Variants in GPC5 observed in about 807,000 individuals in gnomAD.
GPC5 encodes the protein glypican 5, also known as glypican-5.
In GPC5, 47 loss-of-function variants were observed where a neutral mutation model predicts 53.9. The observed-to-expected ratio is 0.87, with a 90% CI of 0.69 to 1.11. The LOEUF (loss-of-function observed/expected upper bound fraction) is 1.11, where lower values mean the gene tolerates loss of function less well. GPC5 is among the 50% of genes most tolerant of loss of function. GPC5 has a pLI of 0.00. For missense variants in GPC5, 748 were observed against 713.1 expected (o/e 1.05, Z -0.56); for synonymous variants, 286 against 263.3 (o/e 1.09, Z -0.84).
intron 2 of GPC5, among the ~76,000 whole-genome samples, chr13:91,527,110 T>C (rs999589784): frequency 5.9e-5 from 9 of 152,202 alleles, no homozygotes; most frequent in Non-Finnish European, 1.2e-4. Context: ...AAACCAATCA[T>C]GCCTTTCCAA....
intron 7 of GPC5, among the ~76,000 whole-genome samples, chr13:92,546,956 G>A (rs930583632): frequency 6.6e-6 from 1 of 152,092 alleles, no homozygotes; most frequent in African/African-American, 2.4e-5. Context: ...GGGAAAACTG[G>A]CTAGCCATAT....
chr13:92,847,983 A>G lies in GPC5; in HGVS notation c.1562-18299A>G, dbSNP rs143976141. On this transcript the variant is annotated intron_variant, in intron 7 of 7. Coordinates refer to ENST00000377067, the MANE Select transcript of GPC5 (RefSeq NM_004466.6). ...TGCACAATGTCTGACTAGCTTTTTT[A>G]GTGGTGAAGGTAGTTTGGGCAGTGA... is the stretch of plus-strand genomic sequence containing the variant. Among the ~76,000 whole-genome samples the G allele has an allele frequency of 3.3e-5, 5 of 152,172 alleles. No homozygotes were observed. The East Asian group carries it at 7.7e-4, about 24-fold the overall frequency.
intron 7 of GPC5, among the ~76,000 whole-genome samples, chr13:92,546,962 C>T (rs914603071): frequency 2.0e-5 from 3 of 152,170 alleles, no homozygotes; most frequent in Non-Finnish European, 2.9e-5. Context: ...ACTGGCTAGC[C>T]ATATGTAGAA....
intron 2 of GPC5, among the ~76,000 whole-genome samples, chr13:91,536,154 T>A (rs1886582279): frequency 6.6e-6 from 1 of 152,208 alleles, no homozygotes; most frequent in South Asian, 2.1e-4. Context: ...GGTATCAGTC[T>A]AATGTTGGAG....
At chr13:92,180,788 T>C in intron 7 of GPC5, 1 of 226,738 alleles carries the variant, frequency 4.4e-6, no homozygotes, top group Non-Finnish European at 8.9e-6. Context: ...TTTCCCATCT[T>C]TCAATTTTCT....
intron 2 of GPC5, among the ~76,000 whole-genome samples, chr13:91,578,728 T>G (rs1270198791): frequency 6.6e-6 from 1 of 152,038 alleles, no homozygotes; most frequent in Non-Finnish European, 1.5e-5. Flanking sequence ...TTAAAATATT[T>G]TCAAAGTAGT....
intron 7 of GPC5, among the ~76,000 whole-genome samples, chr13:92,370,173 G>A (rs1355174139): frequency 6.6e-6 from 1 of 152,180 alleles, no homozygotes; most frequent in East Asian, 1.9e-4. Context: ...CAAGGTCAAT[G>A]TTTCATGGAC....
chr13:92,827,329 A>T (rs1877885997), intron 7 of GPC5, among the ~76,000 whole-genome samples: 1 of 152,148 alleles, frequency 6.6e-6, no homozygotes, highest in Admixed American at 6.6e-5. Context: ...ATCATTTAAC[A>T]TATAAGTGGC....
intron 7 of GPC5, among the ~76,000 whole-genome samples, chr13:92,296,732 G>A (rs1271276925): frequency 5.9e-5 from 9 of 152,188 alleles, no homozygotes; most frequent in East Asian, 3.9e-4. Context: ...CCGTGTGGGC[G>A]TGGGCTTGGT....
At chr13:92,283,197 C>A (rs2042929332) in intron 7 of GPC5, among the ~76,000 whole-genome samples, 1 of 152,136 alleles carries the variant, frequency 6.6e-6, no homozygotes, top group Non-Finnish European at 1.5e-5. Context: ...GCTAAATATC[C>A]TAAATATATA....
At chr13:92,617,795 CATACT>C (rs1484314474) in intron 7 of GPC5, among the ~76,000 whole-genome samples, 1 of 152,094 alleles carries the variant, frequency 6.6e-6, no homozygotes, top group Non-Finnish European at 1.5e-5. Context: ...AATTTATACT[CATACT>C]ATAGGTGTTA....
rs1566446337 is a variant in GPC5 at position 92,125,923 on chromosome 13, G to GTTTT, written c.1402-18907_1402-18906insTTTT. Among the ~76,000 whole-genome samples the GTTTT allele has an allele frequency of 2.4e-4, 10 of 41,536 alleles. 4 individuals are homozygous for GTTTT. Among genetic ancestry groups the GTTTT allele is most frequent in the Non-Finnish European group, 1.5e-4 (3 of 20,260 alleles). 27.2% of individuals were successfully genotyped at this position (41,536 alleles called of 152,430 possible). ...ATTAGAAAGGAAACATTTGTTTTTTGGTTTTTTTTTTTTTTTTTTTTTTTT... is the reference window on the plus strand; with the variant it reads ...ATTAGAAAGGAAACATTTGTTTTTTGTTTTGTTTTTTTTTTTTTTTTTTTTTTTT... On this transcript the variant is annotated intron_variant, in intron 6 of 7. Transcript: ENST00000377067.
chr13:92,182,794 G>T (rs1010229450), intron 7 of GPC5, among the ~76,000 whole-genome samples: 1 of 151,898 alleles, frequency 6.6e-6, no homozygotes, highest in Non-Finnish European at 1.5e-5. Flanking sequence ...GCGTGAACCC[G>T]GCAGGCAGAG....
At chr13:92,210,781 C>T (rs2042369493) in intron 7 of GPC5, among the ~76,000 whole-genome samples, 1 of 152,048 alleles carries the variant, frequency 6.6e-6, no homozygotes, top group Admixed American at 6.6e-5. Context: ...TTTTATTATT[C>T]CTCTTGACTA....
chr13:92,475,053 A>G (rs1208934057), intron 7 of GPC5, among the ~76,000 whole-genome samples: 1 of 152,128 alleles, frequency 6.6e-6, no homozygotes, highest in East Asian at 1.9e-4. Flanking sequence ...AATTATAACC[A>G]GGAAGTATAC....
At chr13:92,562,158 A>G (rs1191116360) in intron 7 of GPC5, among the ~76,000 whole-genome samples, 1 of 152,056 alleles carries the variant, frequency 6.6e-6, no homozygotes, top group African/African-American at 2.4e-5. Flanking sequence ...AGCAATAGTT[A>G]TCAAGATTGC....
At chr13:91,649,147 T>A (rs1406995782) in intron 2 of GPC5, among the ~76,000 whole-genome samples, 1 of 152,274 alleles carries the variant, frequency 6.6e-6, no homozygotes, top group East Asian at 1.9e-4. Flanking sequence ...TTTCCCTTCT[T>A]CCATGGTTTT....
chr13:91,660,699 A>T (rs537266894), intron 2 of GPC5, among the ~76,000 whole-genome samples: 93 of 152,298 alleles, frequency 6.1e-4, no homozygotes, highest in Middle Eastern at 3.4e-3. Context: ...TAGCTCAAGG[A>T]TTTCAGGTAG....
chr13:92,417,155 T>C (rs1369083902), intron 7 of GPC5, among the ~76,000 whole-genome samples: 2 of 152,214 alleles, frequency 1.3e-5, no homozygotes, highest in African/African-American at 4.8e-5. Context: ...CAAACTGTAA[T>C]TAAGTTGGGG....
Sources: allele counts gnomAD v4.1 joint callset (sites outside exome capture counted in the v4.1 genomes callset), GRCh38; gene constraint gnomAD v4.1.1; transcripts MANE v1.5; gene names NCBI Gene and HGNC (gene_info 2026-07-23, HGNC 2026-07-21).